RAB38: variants seen among roughly 807,000 people sequenced by gnomAD.
The protein encoded by RAB38 is ras-related protein Rab-38.
In RAB38, 15 loss-of-function variants were observed where a neutral mutation model predicts 18.4. That is an observed-to-expected ratio of 0.82 (90% confidence interval 0.55 to 1.26). The LOEUF is 1.26. Among genes scored for constraint, RAB38 ranks in the 50% most tolerant of loss-of-function variants. The probability of loss-of-function intolerance (pLI) is 0.00; values close to 1 mark genes in which losing one functional copy is unlikely to be tolerated. For synonymous variants in RAB38, 101 were observed against 104.4 expected (o/e 0.97, Z 0.20); for missense variants, 294 against 267.4 (o/e 1.10, Z -0.69).
the RAB38 span, among the ~76,000 whole-genome samples, chr11:88,013,076 T>C: frequency 6.6e-6 from 1 of 152,158 alleles, no homozygotes; most frequent in African/African-American, 2.4e-5. Context: ...TCTTTCCAGG[T>C]CTGACATTCT....
chr11:88,131,139 G>C (rs530410453), intron 2 of RAB38, among the ~76,000 whole-genome samples: 2 of 151,746 alleles, frequency 1.3e-5, no homozygotes, highest in South Asian at 4.2e-4. Flanking sequence ...TAATGATAGG[G>C]GATATTATGA....
the RAB38 span, among the ~76,000 whole-genome samples, chr11:87,810,828 G>A: frequency 7.2e-5 from 11 of 151,888 alleles, no homozygotes; most frequent in South Asian, 2.1e-4. Flanking sequence ...CCTTTTTACC[G>A]GTGGATACAG....
At chr11:88,138,788 TA>T (rs66575109) in intron 2 of RAB38, among the ~76,000 whole-genome samples, 64,970 of 120,472 alleles carry the variant, frequency 0.54, 14,176 homozygotes, top group Non-Finnish European at 0.57. Context: ...CTTTTTTTTT[TA>T]TTATTTTTTT....
At chr11:88,097,695 T>C in the RAB38 span, among the ~76,000 whole-genome samples, 1 of 151,814 alleles carries the variant, frequency 6.6e-6, no homozygotes. Context: ...TACATTTTCA[T>C]ACTCAACCTG....
chr11:87,939,268 G>C, the RAB38 span, among the ~76,000 whole-genome samples: 2 of 151,908 alleles, frequency 1.3e-5, no homozygotes, highest in Non-Finnish European at 2.9e-5. Flanking sequence ...GTTATGGGTA[G>C]ATAAAATCCA....
the RAB38 span, among the ~76,000 whole-genome samples, chr11:87,942,900 G>A: frequency 6.6e-6 from 1 of 152,142 alleles, no homozygotes; most frequent in African/African-American, 2.4e-5. Flanking sequence ...CTGTAATTTT[G>A]TAAATGAGAG....
chr11:87,939,441 A>G, the RAB38 span, among the ~76,000 whole-genome samples: 1 of 152,036 alleles, frequency 6.6e-6, no homozygotes, highest in Non-Finnish European at 1.5e-5. Flanking sequence ...GAAATAAAGA[A>G]GTTGAAACAA....
the RAB38 span, among the ~76,000 whole-genome samples, chr11:87,818,510 A>G: frequency 6.6e-6 from 1 of 152,160 alleles, no homozygotes; most frequent in Non-Finnish European, 1.5e-5. Context: ...TCAAAGACAG[A>G]GCTAAAATTT....
the RAB38 span, among the ~76,000 whole-genome samples, chr11:87,958,007 T>TA: frequency 1.3e-5 from 2 of 152,154 alleles, no homozygotes; most frequent in Admixed American, 6.6e-5. Context: ...TGATTCGACT[T>TA]ACGATTTTTG....
the RAB38 span, among the ~76,000 whole-genome samples, chr11:87,926,809 T>A: frequency 6.6e-6 from 1 of 152,056 alleles, no homozygotes; most frequent in Non-Finnish European, 1.5e-5. Flanking sequence ...ACCGCAGCAC[T>A]GAGCTGCAGC....
chr11:88,073,719 GCTTT>G, the RAB38 span, among the ~76,000 whole-genome samples: 8 of 151,674 alleles, frequency 5.3e-5, no homozygotes, highest in Admixed American at 2.6e-4. Flanking sequence ...TGATATGTGA[GCTTT>G]CTGACAAAAA....
At chr11:88,058,064 C>T in the RAB38 span, among the ~76,000 whole-genome samples, 4 of 152,170 alleles carry the variant, frequency 2.6e-5, no homozygotes, top group Non-Finnish European at 5.9e-5. Flanking sequence ...TGAATATTTA[C>T]ATGACCTGAT....
chr11:87,868,663 A>C, the RAB38 span, among the ~76,000 whole-genome samples: 1 of 149,702 alleles, frequency 6.7e-6, no homozygotes, highest in South Asian at 2.1e-4. Flanking sequence ...AATTTGGAGG[A>C]TAGACACACA....
chr11:87,895,633 G>T, the RAB38 span, among the ~76,000 whole-genome samples: 1 of 151,646 alleles, frequency 6.6e-6, no homozygotes, highest in African/African-American at 2.4e-5. Flanking sequence ...TGGCTCCAAA[G>T]ATTATACTAC....
At chr11:88,138,754 A>G (rs937354411) in intron 2 of RAB38, among the ~76,000 whole-genome samples, 2 of 151,230 alleles carry the variant, frequency 1.3e-5, no homozygotes, top group African/African-American at 2.4e-5. Context: ...CATGCATTTT[A>G]TACATACAAT....
the RAB38 span, among the ~76,000 whole-genome samples, chr11:87,825,004 G>T: frequency 6.6e-6 from 1 of 152,038 alleles, no homozygotes. Flanking sequence ...GTGAGTGTGT[G>T]TGTGTGTATG....
chr11:88,124,524 TGC>T lies in RAB38; in HGVS notation c.484-10386_484-10385del, dbSNP rs558466385. Among the ~76,000 whole-genome samples, 540 of 152,086 alleles carry T rather than the reference TGC, an allele frequency of 3.6e-3. 3 individuals carry two copies. The highest frequency in any genetic ancestry group is 0.019 in the Admixed American group (287 of 15,270). ...TGCAGCCAAAAGACACATGAAAAAA[TGC>T]TCATCATCACTGGACATCAGAGAGA... is the stretch of plus-strand genomic sequence containing the variant. On this transcript the variant is annotated intron_variant, in intron 2 of 2. Transcript: ENST00000243662.
At chr11:88,120,663 C>T (rs893877591) in intron 2 of RAB38, among the ~76,000 whole-genome samples, 6 of 152,040 alleles carry the variant, frequency 3.9e-5, no homozygotes, top group African/African-American at 1.4e-4. Context: ...AGATTGTGTC[C>T]CTCTGACAAT....
chr11:87,836,204 C>T, the RAB38 span, among the ~76,000 whole-genome samples: 1 of 152,140 alleles, frequency 6.6e-6, no homozygotes, highest in South Asian at 2.1e-4. Context: ...TTATGAAAGA[C>T]TTGAGCCCTT....
Sources: allele counts gnomAD v4.1 joint callset (sites outside exome capture counted in the v4.1 genomes callset), GRCh38; gene constraint gnomAD v4.1.1; transcripts MANE v1.5; gene names NCBI Gene and HGNC (gene_info 2026-07-23, HGNC 2026-07-21).